AUTS2: variants seen among roughly 807,000 people sequenced by gnomAD.
The protein encoded by AUTS2 is autism susceptibility gene 2 protein.
Under a neutral mutation model 112.4 loss-of-function variants are expected in AUTS2, and 17 were observed. That is an observed-to-expected ratio of 0.15 (90% CI 0.10 to 0.23). The LOEUF (loss-of-function observed/expected upper bound fraction) is 0.23. AUTS2 is among the 10% of genes least tolerant of loss of function. AUTS2 has a pLI of 1.00. For missense variants in AUTS2, 1,510 were observed against 1,701.6 expected, an observed-to-expected ratio of 0.89 and a Z score of 1.98; for synonymous variants, 751 against 702.7, an observed-to-expected ratio of 1.07 and a Z score of -1.09.
chr7:70,046,821 G>C (rs1013146623), intron 2 of AUTS2, among the ~76,000 whole-genome samples: 2 of 152,160 alleles, frequency 1.3e-5, no homozygotes, highest in Non-Finnish European at 2.9e-5. Flanking sequence ...CTGATAAAGA[G>C]ATGATGACCT....
At chr7:70,163,367 G>GGGA in intron 4 of AUTS2, among the ~76,000 whole-genome samples, 1 of 102,632 alleles carries the variant, frequency 9.7e-6, no homozygotes, top group Non-Finnish European at 2.2e-5. Context: ...GGCAGAGGGG[G>GGGA]AGGGAGAAGG....
At chr7:69,839,066 T>C (rs1402252552) in intron 1 of AUTS2, among the ~76,000 whole-genome samples, 1 of 152,148 alleles carries the variant, frequency 6.6e-6, no homozygotes, top group Non-Finnish European at 1.5e-5. Flanking sequence ...TATTGTAGAT[T>C]TGCAGGATTT....
chr7:69,753,749 T>A (rs1462958483), intron 1 of AUTS2, among the ~76,000 whole-genome samples: 1 of 152,184 alleles, frequency 6.6e-6, no homozygotes, highest in Non-Finnish European at 1.5e-5. Flanking sequence ...AACTTCCAAC[T>A]CAAGGAAGAT....
chr7:70,222,130 G>T (rs1307159143), intron 4 of AUTS2, among the ~76,000 whole-genome samples: 1 of 152,020 alleles, frequency 6.6e-6, no homozygotes, highest in African/African-American at 2.4e-5. Context: ...ACATTACTTA[G>T]TCTATTATGC....
intron 2 of AUTS2, among the ~76,000 whole-genome samples, chr7:69,958,507 G>A (rs1412731195): frequency 2.6e-5 from 4 of 152,106 alleles, no homozygotes; most frequent in Non-Finnish European, 5.9e-5. Flanking sequence ...TAGAGCAGGG[G>A]CAGAGCTAAA....
intron 4 of AUTS2, among the ~76,000 whole-genome samples, chr7:70,137,825 A>G (rs1806651667): frequency 6.6e-6 from 1 of 152,214 alleles, no homozygotes; most frequent in Non-Finnish European, 1.5e-5. Context: ...GTGGCTGTGC[A>G]ATGTTGTGCA....
intron 5 of AUTS2, among the ~76,000 whole-genome samples, chr7:70,582,671 T>C (rs1357825077): frequency 6.6e-6 from 1 of 152,230 alleles, no homozygotes; most frequent in African/African-American, 2.4e-5. Flanking sequence ...AATGAATTGC[T>C]GTTCATTTCC....
intron 4 of AUTS2, among the ~76,000 whole-genome samples, chr7:70,371,968 G>A (rs1026296630): frequency 3.9e-5 from 6 of 152,150 alleles, no homozygotes; most frequent in Non-Finnish European, 7.4e-5. Flanking sequence ...GGGATTGAGG[G>A]CCATTTTTGT....
intron 2 of AUTS2, among the ~76,000 whole-genome samples, chr7:69,988,141 A>G (rs910229120): frequency 6.6e-6 from 1 of 152,154 alleles, no homozygotes; most frequent in Non-Finnish European, 1.5e-5. Context: ...CATAAAAATG[A>G]TATTTGCCTT....
chr7:70,268,551 G>C (rs1053643559), intron 4 of AUTS2, among the ~76,000 whole-genome samples: 1 of 152,148 alleles, frequency 6.6e-6, no homozygotes, highest in African/African-American at 2.4e-5. Flanking sequence ...TCTGGGTTTA[G>C]GCTTCAGTGA....
At chr7:70,671,612 C>G (rs1221051895) in intron 5 of AUTS2, among the ~76,000 whole-genome samples, 1 of 152,180 alleles carries the variant, frequency 6.6e-6, no homozygotes, top group Non-Finnish European at 1.5e-5. Flanking sequence ...TGCAAGAGAC[C>G]AGGCACCACA....
rs139740498 is a variant in AUTS2, at chr7:69,923,597, A to G, written c.522+24099A>G. 1.4e-4 allele frequency among the ~76,000 whole-genome samples: 22 copies of G among 152,298 alleles called. 1 individual carries two copies. Among genetic ancestry groups the G allele is most frequent in the East Asian group, 5.8e-4 (3 of 5,188 alleles). ...AGTTTTCAACTCTCGAACAAGGTCT[A>G]TCTCTCTATTTAGATCTTACTTATT... On this transcript the variant is annotated intron_variant, in intron 2 of 18. Coordinates refer to ENST00000342771, the MANE Select transcript of AUTS2 (RefSeq NM_015570.4).
intron 3 of AUTS2, among the ~76,000 whole-genome samples, chr7:70,126,733 TA>T (rs1805992557): frequency 6.6e-6 from 1 of 152,240 alleles, no homozygotes; most frequent in Non-Finnish European, 1.5e-5. Flanking sequence ...TATGAAATGT[TA>T]ATGGGCATTT....
chr7:70,113,787 A>G (rs1157206988), intron 2 of AUTS2, among the ~76,000 whole-genome samples: 2 of 152,178 alleles, frequency 1.3e-5, no homozygotes, highest in Non-Finnish European at 2.9e-5. Context: ...ATCTTTTTGA[A>G]ACTCTCCATA....
intron 5 of AUTS2, among the ~76,000 whole-genome samples, chr7:70,644,622 C>T (rs1275405328): frequency 6.6e-6 from 1 of 152,146 alleles, no homozygotes; most frequent in African/African-American, 2.4e-5. Flanking sequence ...CCCACCCCTC[C>T]TACCTTCCAG....
At chr7:70,045,929 A>C (rs1254331437) in intron 2 of AUTS2, among the ~76,000 whole-genome samples, 6 of 151,986 alleles carry the variant, frequency 3.9e-5, no homozygotes, top group Admixed American at 2.0e-4. Context: ...CTGGCCTTGC[A>C]ACTCACATTA....
At chr7:69,678,695 T>A (rs972421620) in intron 1 of AUTS2, among the ~76,000 whole-genome samples, 2 of 152,220 alleles carry the variant, frequency 1.3e-5, no homozygotes, top group East Asian at 3.9e-4. Flanking sequence ...GAAGTAGAGC[T>A]GTGACAGATA....
At chr7:70,715,048 T>G (rs138627329) in intron 6 of AUTS2, among the ~76,000 whole-genome samples, 199 of 152,358 alleles carry the variant, frequency 1.3e-3, no homozygotes, top group Non-Finnish European at 2.1e-3. Flanking sequence ...TTATTCCACA[T>G]TTATTGGCTG....
intron 4 of AUTS2, among the ~76,000 whole-genome samples, chr7:70,149,245 C>T (rs1037368497): frequency 1.3e-5 from 2 of 152,000 alleles, no homozygotes; most frequent in Non-Finnish European, 2.9e-5. Flanking sequence ...CACACACTCT[C>T]ATAGACACAA....
Sources: gnomAD v4.1 joint callset for allele counts (sites outside exome capture counted in the v4.1 genomes callset) on GRCh38, gnomAD v4.1.1 for gene constraint, MANE v1.5 for transcripts, NCBI Gene and HGNC (gene_info 2026-07-23, HGNC 2026-07-21) for gene names.